The following SYN3 variants were observed in gnomAD, a reference collection of about 807,000 sequenced individuals.
The protein encoded by SYN3 is synapsin III.
A neutral mutation model predicts 65.8 loss-of-function variants in SYN3; 35 were observed. The ratio of observed to expected loss-of-function variants is 0.53; its 90% confidence interval spans 0.41 to 0.70. SYN3 has a LOEUF of 0.70. Ranked by LOEUF, SYN3 falls within the 30% of genes least tolerant of loss-of-function variation. SYN3 has a pLI of 0.00. For synonymous variants in SYN3, 270 were observed against 292.9 expected (o/e 0.92, Z 0.80); for missense variants, 680 against 749.0 (o/e 0.91, Z 1.08).
At position 32,606,563 on chromosome 22, in the gene SYN3, G is replaced by A. The variant is rs549748969; in HGVS notation, c.712-9827C>T. ...AAATGTGGAAACGCAAATATGTTAA[G>A]ACAAAACTTCACGGCTTACGGGGCT... is the stretch of plus-strand genomic sequence containing the variant. On this transcript the variant is annotated intron_variant, in intron 6 of 13. Coordinates refer to ENST00000358763, the MANE Select transcript of SYN3 (RefSeq NM_003490.4). 7.7e-4 allele frequency among the ~76,000 whole-genome samples: 117 copies of A among 152,260 alleles called. 1 individual carries two copies. Among genetic ancestry groups the A allele is most frequent in the African/African-American group, 2.8e-3 (115 of 41,562 alleles).
At chr22:32,592,641 G>A (rs2059144173) in intron 7 of SYN3, among the ~76,000 whole-genome samples, 1 of 152,130 alleles carries the variant, frequency 6.6e-6, no homozygotes, top group African/African-American at 2.4e-5. Context: ...TCCTGGGCAT[G>A]CTCTTAATCA....
rs533784514 is a variant in SYN3, at chr22:32,619,416, T to G, written c.712-22680A>C. Among the ~76,000 whole-genome samples the G allele has an allele frequency of 2.0e-5, 3 of 152,302 alleles. No individual in the cohort carries two copies. The South Asian group carries it at 6.2e-4, about 32-fold the overall frequency. ...TGTTCTGAAATACCAGGTTTTGAAT[T>G]GGGTCAGATAATCAACAGTGGAGGT... On this transcript the variant is annotated intron_variant, in intron 6 of 13. Coordinates refer to ENST00000358763, the MANE Select transcript of SYN3 (RefSeq NM_003490.4).
At chr22:32,571,507 C>T (rs1382191343) in intron 7 of SYN3, among the ~76,000 whole-genome samples, 1 of 152,220 alleles carries the variant, frequency 6.6e-6, no homozygotes, top group African/African-American at 2.4e-5. Context: ...TGAAGCAACT[C>T]AGCCTAAGCT....
At chr22:32,537,219 G>A (rs2058180708) in intron 9 of SYN3, among the ~76,000 whole-genome samples, 1 of 151,892 alleles carries the variant, frequency 6.6e-6, no homozygotes, top group South Asian at 2.1e-4. Flanking sequence ...GAGTTCAATG[G>A]CACGATCTCA....
At chr22:32,937,814 A>C (rs1398274423) in intron 3 of SYN3, among the ~76,000 whole-genome samples, 2 of 146,248 alleles carry the variant, frequency 1.4e-5, no homozygotes, top group East Asian at 4.2e-4. Flanking sequence ...ACAACCCAAA[A>C]TGAAGCACAG....
At chr22:32,872,975 T>C (rs1321195554) in intron 4 of SYN3, among the ~76,000 whole-genome samples, 3 of 139,794 alleles carry the variant, frequency 2.1e-5, no homozygotes, top group Non-Finnish European at 3.0e-5. Context: ...AGAGTCTGGC[T>C]CTATTGTCCA....
At chr22:32,925,660 C>T (rs2050448251) in intron 4 of SYN3, among the ~76,000 whole-genome samples, 1 of 152,102 alleles carries the variant, frequency 6.6e-6, no homozygotes, top group Non-Finnish European at 1.5e-5. Context: ...CAGTGCAGGG[C>T]CATGTTGAGA....
intron 6 of SYN3, among the ~76,000 whole-genome samples, chr22:32,792,213 T>A (rs2046338298): frequency 6.6e-6 from 1 of 150,754 alleles, no homozygotes; most frequent in Non-Finnish European, 1.5e-5. Context: ...AAGGAACTTG[T>A]TCAAGGTCAC....
intron 6 of SYN3, among the ~76,000 whole-genome samples, chr22:32,661,004 T>C (rs2060209376): frequency 6.6e-6 from 1 of 152,198 alleles, no homozygotes; most frequent in East Asian, 1.9e-4. Flanking sequence ...TTAACCTATC[T>C]CTGCTCAAAA....
chr22:32,773,819 G>C (rs1470850921), intron 6 of SYN3, among the ~76,000 whole-genome samples: 1 of 152,190 alleles, frequency 6.6e-6, no homozygotes, highest in Non-Finnish European at 1.5e-5. Context: ...GGTACTATGG[G>C]GGAGGAAAGG....
chr22:33,012,334 C>T (rs2053370213), intron 1 of SYN3, among the ~76,000 whole-genome samples: 2 of 152,098 alleles, frequency 1.3e-5, no homozygotes, highest in South Asian at 4.1e-4. Context: ...CTTGTTAATG[C>T]TTTTAATATA....
At chr22:32,580,881 A>C (rs557222688) in intron 7 of SYN3, among the ~76,000 whole-genome samples, 5 of 152,294 alleles carry the variant, frequency 3.3e-5, no homozygotes, top group African/African-American at 2.4e-5. Flanking sequence ...AGCAGCATTG[A>C]TATCACCTGG....
At chr22:32,756,606 G>A (rs1048635061) in intron 6 of SYN3, among the ~76,000 whole-genome samples, 4 of 152,140 alleles carry the variant, frequency 2.6e-5, no homozygotes, top group Non-Finnish European at 5.9e-5. Context: ...GGTCATGGGA[G>A]TGGATCCCTC....
chr22:32,946,165 C>T (rs927728885), intron 3 of SYN3, among the ~76,000 whole-genome samples: 4 of 152,236 alleles, frequency 2.6e-5, no homozygotes, highest in South Asian at 2.1e-4. Context: ...TTAGAAATAC[C>T]GTTTGACCCA....
At chr22:32,899,091 ACT>A (rs1218609704) in intron 4 of SYN3, among the ~76,000 whole-genome samples, 2 of 16,862 alleles carry the variant, frequency 1.2e-4, no homozygotes, top group African/African-American at 4.1e-4. Flanking sequence ...ACAGAGTGAG[ACT>A]CTGTCTCAAA....
At chr22:33,038,884 C>T (rs1199255441) in intron 1 of SYN3, among the ~76,000 whole-genome samples, 5 of 152,204 alleles carry the variant, frequency 3.3e-5, no homozygotes, top group Admixed American at 6.5e-5. Context: ...GAGCTGCAGG[C>T]GGAAGCCCCG....
intron 6 of SYN3, among the ~76,000 whole-genome samples, chr22:32,765,401 G>A (rs544961041): frequency 1.3e-5 from 2 of 152,158 alleles, no homozygotes; most frequent in East Asian, 1.9e-4. Flanking sequence ...CCTTGAGGCC[G>A]ATCAGTGGGA....
At chr22:32,927,629 GT>G (rs2050511348) in intron 4 of SYN3, among the ~76,000 whole-genome samples, 1 of 152,082 alleles carries the variant, frequency 6.6e-6, no homozygotes, top group African/African-American at 2.4e-5. Context: ...CTAACTTAAT[GT>G]TGTATATTTT....
chr22:32,584,448 C>CT (rs2058994206), intron 7 of SYN3, among the ~76,000 whole-genome samples: 1 of 152,126 alleles, frequency 6.6e-6, no homozygotes, highest in Admixed American at 6.5e-5. Context: ...CTGAGGGTCT[C>CT]TTAAGGGGAA....
Sources: allele counts gnomAD v4.1 joint callset (sites outside exome capture counted in the v4.1 genomes callset), GRCh38; gene constraint gnomAD v4.1.1; transcripts MANE v1.5; gene names NCBI Gene and HGNC (gene_info 2026-07-23, HGNC 2026-07-21).